RAD51B: variants seen among roughly 807,000 people sequenced by gnomAD.
RAD51B encodes RAD51 paralog B.
A neutral mutation model predicts 42.2 loss-of-function variants in RAD51B; 38 were observed. The observed-to-expected ratio is 0.90, with a 90% CI of 0.70 to 1.18. The LOEUF is 1.18. Among genes scored for constraint, RAD51B ranks in the 50% most tolerant of loss-of-function variants. The pLI is 0.00. For synonymous variants in RAD51B, 154 were observed against 145.2 expected (o/e 1.06, Z -0.43); for missense variants, 373 against 400.7 (o/e 0.93, Z 0.59).
chr14:68,047,881 G>C (rs1044873288), intron 7 of RAD51B, among the ~76,000 whole-genome samples: 1 of 151,812 alleles, frequency 6.6e-6, no homozygotes, highest in African/African-American at 2.4e-5. Context: ...GTTTTATTTT[G>C]GAGGGAAGGA....
At chr14:68,426,812 G>C (rs779463493) in intron 9 of RAD51B, among the ~76,000 whole-genome samples, 1 of 151,498 alleles carries the variant, frequency 6.6e-6, no homozygotes, top group African/African-American at 2.4e-5. Flanking sequence ...GAATGACCCC[G>C]AGGGGATTTT....
chr14:68,515,292 A>G (rs895812607), intron 10 of RAD51B, among the ~76,000 whole-genome samples: 2 of 152,190 alleles, frequency 1.3e-5, no homozygotes, highest in Admixed American at 1.3e-4. Flanking sequence ...AAACAGAGCT[A>G]GAAGGACCTG....
At chr14:68,492,248 C>G (rs1459542490) in intron 10 of RAD51B, among the ~76,000 whole-genome samples, 1 of 152,222 alleles carries the variant, frequency 6.6e-6, no homozygotes, top group African/African-American at 2.4e-5. Flanking sequence ...CCATCCTGCT[C>G]TACTTATATT....
At chr14:68,448,950 C>T (rs151246156) in intron 9 of RAD51B, among the ~76,000 whole-genome samples, 1 of 150,932 alleles carries the variant, frequency 6.6e-6, no homozygotes, top group Non-Finnish European at 1.5e-5. Flanking sequence ...ATATAATCTT[C>T]TAGGCTTTTT....
chr14:68,563,989 G>A (rs1025435776), intron 10 of RAD51B: 5 of 925,494 alleles, frequency 5.4e-6, no homozygotes, highest in Non-Finnish European at 5.2e-6. Flanking sequence ...TTTTCATTAT[G>A]TGCCAAAGAT....
chr14:68,087,865 T>C (rs1259738874), intron 7 of RAD51B, among the ~76,000 whole-genome samples: 1 of 79,476 alleles, frequency 1.3e-5, no homozygotes, highest in African/African-American at 7.7e-5. Context: ...TATAATTATA[T>C]AATATATTAT....
At chr14:67,950,885 A>G (rs946466875) in intron 7 of RAD51B, among the ~76,000 whole-genome samples, 3 of 152,054 alleles carry the variant, frequency 2.0e-5, no homozygotes, top group Non-Finnish European at 2.9e-5. Flanking sequence ...TTTATGTCTC[A>G]GGGAATAGGG....
At chr14:68,296,767 T>A (rs555448752) in intron 8 of RAD51B, among the ~76,000 whole-genome samples, 33 of 152,352 alleles carry the variant, frequency 2.2e-4, no homozygotes, top group African/African-American at 6.7e-4. Context: ...GAGTTCCACA[T>A]GGCTTTATGG....
intron 7 of RAD51B, among the ~76,000 whole-genome samples, chr14:68,022,713 G>A (rs1048110817): frequency 1.5e-4 from 23 of 151,676 alleles, no homozygotes; most frequent in Admixed American, 9.8e-4. Flanking sequence ...TGGGTAAATT[G>A]CATGTTGTGG....
intron 7 of RAD51B, among the ~76,000 whole-genome samples, chr14:68,231,655 G>A (rs1314912): frequency 0.18 from 26,641 of 152,082 alleles, 2,488 homozygotes; most frequent in Middle Eastern, 0.36. Context: ...TCACAGTGAA[G>A]GTTTACATGT....
chr14:68,159,973 C>T (rs1036978150), intron 7 of RAD51B, among the ~76,000 whole-genome samples: 6 of 152,014 alleles, frequency 3.9e-5, no homozygotes, highest in African/African-American at 1.4e-4. Context: ...ATACCCACAA[C>T]AGAAAACTGC....
chr14:67,976,449 T>C (rs965667025), intron 7 of RAD51B, among the ~76,000 whole-genome samples: 1 of 151,254 alleles, frequency 6.6e-6, no homozygotes, highest in Non-Finnish European at 1.5e-5. Context: ...TGTTTTTTAA[T>C]TTTATTTTAT....
At chr14:68,662,943 A>G (rs1312172438) in intron 11 of RAD51B, among the ~76,000 whole-genome samples, 1 of 152,162 alleles carries the variant, frequency 6.6e-6, no homozygotes, top group East Asian at 1.9e-4. Context: ...TGTGGACCGC[A>G]TTACTGGGCA....
chr14:68,338,050 C>T (rs564474431), intron 8 of RAD51B, among the ~76,000 whole-genome samples: 108 of 152,198 alleles, frequency 7.1e-4, no homozygotes, highest in Non-Finnish European at 1.3e-3. Flanking sequence ...CCTCACACTC[C>T]GAAAGTGCTG....
At chr14:68,409,881 A>T (rs1178773521) in intron 8 of RAD51B, among the ~76,000 whole-genome samples, 1 of 152,252 alleles carries the variant, frequency 6.6e-6, no homozygotes, top group Non-Finnish European at 1.5e-5. Flanking sequence ...TTGTGTGCAT[A>T]ATGAACTGAG....
chr14:68,291,203 T>C (rs142985003), intron 7 of RAD51B, among the ~76,000 whole-genome samples: 2,737 of 152,236 alleles, frequency 0.018, 71 homozygotes, highest in African/African-American at 0.061. Flanking sequence ...TTTTTATTTA[T>C]TTATTTATTT....
At chr14:68,388,489 C>T (rs933225303) in intron 8 of RAD51B, among the ~76,000 whole-genome samples, 7 of 152,152 alleles carry the variant, frequency 4.6e-5, no homozygotes, top group South Asian at 2.1e-4. Context: ...AGTTGAGAAA[C>T]ACTGAAGGGA....
chr14:67,957,458 T>C (rs2074574464), intron 7 of RAD51B, among the ~76,000 whole-genome samples: 1 of 152,176 alleles, frequency 6.6e-6, no homozygotes, highest in African/African-American at 2.4e-5. Context: ...TTTGGGGAGC[T>C]TCTTATTTTT....
chr14:67,879,753 G>A (rs545939722), intron 5 of RAD51B, among the ~76,000 whole-genome samples: 81 of 152,312 alleles, frequency 5.3e-4, no homozygotes, highest in African/African-American at 1.9e-3. Flanking sequence ...TCTGCATTCA[G>A]TCTGTTGCAC....
Sources: allele counts gnomAD v4.1 joint callset (sites outside exome capture counted in the v4.1 genomes callset), GRCh38; gene constraint gnomAD v4.1.1; transcripts MANE v1.5; gene names NCBI Gene and HGNC (gene_info 2026-07-23, HGNC 2026-07-21).